PRKG1: variants seen among roughly 807,000 people sequenced by gnomAD.
PRKG1 encodes the protein protein kinase cGMP-dependent 1.
A neutral mutation model predicts 88.1 loss-of-function variants in PRKG1; 35 were observed. That is an observed-to-expected ratio of 0.40 (90% CI 0.30 to 0.53). PRKG1 has a LOEUF of 0.53. Among genes scored for constraint, PRKG1 ranks in the 20% least tolerant of loss-of-function variants. The pLI, the probability that PRKG1 is intolerant of heterozygous loss-of-function variation, is 0.59. For missense variants in PRKG1, 540 were observed against 839.8 expected (o/e 0.64, Z 4.41); for synonymous variants, 303 against 292.5 (o/e 1.04, Z -0.37).
chr10:51,219,611 G>A (rs1417008063), intron 2 of PRKG1, among the ~76,000 whole-genome samples: 3 of 151,846 alleles, frequency 2.0e-5, no homozygotes, highest in East Asian at 3.9e-4. Flanking sequence ...TCAGGAGGCT[G>A]AGACACGAGA....
chr10:50,993,226 A>T (rs1262731034), intron 1 of PRKG1, among the ~76,000 whole-genome samples: 1 of 152,204 alleles, frequency 6.6e-6, no homozygotes, highest in African/African-American at 2.4e-5. Flanking sequence ...AAAAACAGGA[A>T]TCAGGCAGAA....
intron 9 of PRKG1, among the ~76,000 whole-genome samples, chr10:52,189,017 A>T (rs1397392089): frequency 1.3e-5 from 2 of 152,178 alleles, no homozygotes; most frequent in Non-Finnish European, 2.9e-5. Flanking sequence ...TATATTGTTT[A>T]TTGTGAGGTT....
intron 3 of PRKG1, chr10:51,697,156 CTG>C (rs1381141416): frequency 6.5e-6 from 1 of 152,698 alleles, no homozygotes; most frequent in African/African-American, 2.4e-5. Context: ...CCTGTTAACT[CTG>C]TTTCAAAAAT....
intron 1 of PRKG1, among the ~76,000 whole-genome samples, chr10:51,086,347 T>C (rs186848780): frequency 9.2e-5 from 14 of 152,324 alleles, no homozygotes; most frequent in African/African-American, 2.9e-4. Context: ...AATGCTCAGC[T>C]TAATAAAAGT....
chr10:52,131,225 G>A (rs1837248551), intron 7 of PRKG1, among the ~76,000 whole-genome samples: 1 of 152,154 alleles, frequency 6.6e-6, no homozygotes, highest in Non-Finnish European at 1.5e-5. Flanking sequence ...GGATGAAACG[G>A]GGAGCAAAGC....
rs117127972 is a variant in PRKG1 at position 52,013,916 on chromosome 10, A to G, written c.763-40568A>G. On this transcript the variant is annotated intron_variant, in intron 5 of 17. Transcript: ENST00000373980. ...TTCTCTCCTTGATTTTGTGCACTCT[A>G]TCTTGGGTGCTCATTCCTTTTCCTG... 7.4e-3 allele frequency among the ~76,000 whole-genome samples: 1,126 copies of G among 152,058 alleles called. 11 individuals are homozygous for G. The highest frequency in any genetic ancestry group is 0.011 in the Non-Finnish European group (768 of 68,006).
chr10:51,156,482 T>C (rs371187471), intron 2 of PRKG1, among the ~76,000 whole-genome samples: 3 of 152,044 alleles, frequency 2.0e-5, no homozygotes, highest in African/African-American at 7.2e-5. Context: ...GTTATCTTAA[T>C]TATCCTTTTA....
chr10:52,149,393 G>A lies in PRKG1; in HGVS notation c.1002-12496G>A, dbSNP rs894502466. ...GTTCCCTCATTAGACTTCCTATTAA[G>A]GACTGAATTATGTCCACCCCAAATC... On this transcript the variant is annotated intron_variant, in intron 8 of 17. Transcript: ENST00000373980. 2.0e-5 allele frequency among the ~76,000 whole-genome samples: 3 copies of A among 151,994 alleles called. No homozygotes were observed. In the East Asian group the frequency reaches 5.8e-4, roughly 30 times the overall value.
At chr10:52,273,102 C>T (rs1841775391) in intron 12 of PRKG1, among the ~76,000 whole-genome samples, 1 of 152,040 alleles carries the variant, frequency 6.6e-6, no homozygotes. Context: ...AGTTTGTCTA[C>T]ATGGTGCTTG....
chr10:51,632,093 A>AT (rs66828963), intron 3 of PRKG1, among the ~76,000 whole-genome samples: 119,936 of 149,632 alleles, frequency 0.8, 49,697 homozygotes, highest in Non-Finnish European at 0.91. Context: ...ACATTATGAG[A>AT]TTTTTTTTTT....
chr10:52,278,852 G>A lies in PRKG1; in HGVS notation c.1404-1937G>A, dbSNP rs568311084. ...CAGGAGGCTGAGGTTGCAGTGAACC[G>A]AGATTGCACCACTGCACTCCAGCCT... On this transcript the variant is annotated intron_variant, in intron 12 of 17. Coordinates refer to ENST00000373980, the MANE Select transcript of PRKG1 (RefSeq NM_006258.4). Among the ~76,000 whole-genome samples, 13 of 148,942 alleles carry A rather than the reference G, an allele frequency of 8.7e-5. No individual in the cohort carries two copies. In the South Asian group the frequency reaches 1.9e-3, roughly 22 times the overall value.
At chr10:51,690,199 G>C (rs572992353) in intron 3 of PRKG1, among the ~76,000 whole-genome samples, 7 of 152,150 alleles carry the variant, frequency 4.6e-5, no homozygotes, top group Admixed American at 2.0e-4. Flanking sequence ...ACTAATAAGA[G>C]GACAGTACCA....
intron 1 of PRKG1, among the ~76,000 whole-genome samples, chr10:51,147,982 T>G (rs1845981264): frequency 6.6e-6 from 1 of 152,080 alleles, no homozygotes; most frequent in Non-Finnish European, 1.5e-5. Flanking sequence ...ATCTGTGGAG[T>G]TCATTCAGAA....
intron 2 of PRKG1, among the ~76,000 whole-genome samples, chr10:51,239,893 G>A (rs1213474400): frequency 6.6e-6 from 1 of 152,114 alleles, no homozygotes; most frequent in Non-Finnish European, 1.5e-5. Flanking sequence ...GGGCCAATAT[G>A]GGAGTAAATC....
At chr10:51,825,239 A>ATTAT (rs1380010533) in intron 4 of PRKG1, among the ~76,000 whole-genome samples, 1 of 152,134 alleles carries the variant, frequency 6.6e-6, no homozygotes, top group Non-Finnish European at 1.5e-5. Context: ...AATTAGGCAA[A>ATTAT]TTAATAGAGA....
chr10:51,576,892 C>G (rs1192729915), intron 3 of PRKG1, among the ~76,000 whole-genome samples: 1 of 151,650 alleles, frequency 6.6e-6, no homozygotes, highest in Non-Finnish European at 1.5e-5. Context: ...CCTTATGATC[C>G]AAATAAATAT....
intron 2 of PRKG1, among the ~76,000 whole-genome samples, chr10:51,239,191 G>A (rs2132121979): frequency 6.6e-6 from 1 of 152,170 alleles, no homozygotes; most frequent in Admixed American, 6.5e-5. Flanking sequence ...CTCTAACCTT[G>A]CAAAAAGAAA....
intron 2 of PRKG1, among the ~76,000 whole-genome samples, chr10:51,297,950 A>G (rs1171903808): frequency 6.6e-6 from 1 of 152,114 alleles, no homozygotes. Flanking sequence ...CCTTACCTAC[A>G]CTTGTTACTA....
intron 1 of PRKG1, among the ~76,000 whole-genome samples, chr10:50,993,814 G>A (rs1441444974): frequency 6.6e-6 from 1 of 152,230 alleles, no homozygotes; most frequent in South Asian, 2.1e-4. Flanking sequence ...AGAATGAAAG[G>A]AGGTGTTTTG....
Sources: gnomAD v4.1 joint callset for allele counts (sites outside exome capture counted in the v4.1 genomes callset) on GRCh38, gnomAD v4.1.1 for gene constraint, MANE v1.5 for transcripts, NCBI Gene and HGNC (gene_info 2026-07-23, HGNC 2026-07-21) for gene names.